The following G6PD variants were observed in gnomAD, a reference collection of about 807,000 sequenced individuals.
G6PD encodes glucose-6-phosphate dehydrogenase.
Under a neutral mutation model 38.2 loss-of-function variants are expected in G6PD, and 2 were observed. That is an observed-to-expected ratio of 0.05 (90% confidence interval 0.02 to 0.16). The LOEUF (loss-of-function observed/expected upper bound fraction) is 0.16, where lower values mean the gene tolerates loss of function less well. G6PD is among the 10% of genes least tolerant of loss of function. The probability of loss-of-function intolerance (pLI) is 1.00; values close to 1 mark genes in which losing one functional copy is unlikely to be tolerated. For missense variants in G6PD, 310 were observed against 471.6 expected, an observed-to-expected ratio of 0.66 and a Z score of 3.17; for synonymous variants, 188 against 196.0, an observed-to-expected ratio of 0.96 and a Z score of 0.34.
At position 154,546,140 on chromosome X, in the gene G6PD, C is replaced by G; in HGVS notation, c.16G>C (p.Ala6Pro). Residue 6 changes from alanine to proline, a missense_variant, in exon 2 of 13, where the codon GCC becomes CCC. Ala to Pro is a conservative substitution (Grantham distance 27). Transcript: ENST00000393562. MAEQV[A>P]LSRTQVCGIL... ...CCGCACACCTGGGTCCGGCTCAGGGCCACCTGCTCTGCCATGACGCTGTCT... is the reference window on the plus strand; with the variant it reads ...CCGCACACCTGGGTCCGGCTCAGGGGCACCTGCTCTGCCATGACGCTGTCT... The G allele has an allele frequency of 8.3e-7, 1 of 1,211,947 alleles. No individual in the cohort carries two copies. Among genetic ancestry groups the G allele is most frequent in the Non-Finnish European group, 1.1e-6 (1 of 895,564 alleles).
At chrX:154,534,782 G>C (rs1296544110) in intron 5 of G6PD, among the ~76,000 whole-genome samples, 9 of 111,877 alleles carry the variant, frequency 8.0e-5, no homozygotes, top group African/African-American at 2.9e-4. Context: ...CTGAAGGCCT[G>C]TAGGGGAGCA....
At chrX:154,536,437 C>T (rs1042636914) in intron 2 of G6PD, among the ~76,000 whole-genome samples, 6 of 112,231 alleles carry the variant, frequency 5.3e-5, no homozygotes, top group Middle Eastern at 4.6e-3. Flanking sequence ...AACCAAGGGA[C>T]GACAGAAGTA....
chrX:154,535,323 G>T lies in G6PD; in HGVS notation c.330C>A (p.Gly110=). 4.1e-6 allele frequency: 5 copies of T among 1,212,094 alleles called. No individual in the cohort carries two copies. The South Asian group carries it at 7.0e-5, about 17-fold the overall frequency. Residue 110 remains glycine, a synonymous_variant, in exon 5 of 13, where the codon GGC becomes GGA. Coordinates refer to ENST00000393562, the MANE Select transcript of G6PD (RefSeq NM_001360016.2). ...GGTAGGAGGCTGCATCATCGTACTG[G>T]CCAGCCACATAGGAGTTGCGGGCAA... ...DFFARNSYVA[G]QYDDAASYQR...
rs137852339 is a variant in G6PD, at chrX:154,533,044, C to T, written c.949G>A (p.Glu317Lys). 5.6e-4 allele frequency: 682 copies of T among 1,211,171 alleles called. 7 individuals carry two copies. In the South Asian group the frequency reaches 0.011, roughly 20 times the overall value. ...TCGTCCAGGTACCCTTTGGTGGCCT[C>T]GCCCTCTCCATCGGGGTTCCCCACG... The part of the protein sequence containing the change: ...QYVGNPDGEG[E>K]ATKGYLDDPT... The change falls in exon 9 of 13, where the codon GAG becomes AAG. Residue 317 changes from glutamate to lysine, a missense_variant. Glu to Lys is a moderately conservative substitution (Grantham distance 56). Around this residue, in one of 4 missense-constraint regions of G6PD, gnomAD observed 168 missense variants for 309.2 expected, o/e 0.54. Coordinates refer to ENST00000393562, the MANE Select transcript of G6PD (RefSeq NM_001360016.2).
In G6PD at chrX:154,532,079, G is replaced by A. The variant is rs782351135; in HGVS notation, c.1469C>T (p.Thr490Met). Residue 490 changes from threonine (T) to methionine (M), a missense_variant, in exon 13 of 13, where the codon ACG (threonine) becomes ATG (methionine). Thr to Met is a moderately conservative substitution (Grantham distance 81). Transcript: ENST00000393562. Reference protein sequence around the residue: ...IPYIYGSRGPTEADELMKRVG... With the variant: ...IPYIYGSRGPMEADELMKRVG... ...TCTCTTCATCAGCTCGTCTGCCTCC[G>A]TGGGGCCTCGGCTGGAGAGTGACGG... 3 of 1,209,249 alleles carry A rather than the reference G, an allele frequency of 2.5e-6. No homozygotes were observed. Among genetic ancestry groups the A allele is most frequent in the South Asian group, 1.8e-5 (1 of 56,476 alleles).
At chrX:154,532,856 T>C (rs919710811) in intron 9 of G6PD, 54 bp from the exon 10 acceptor site, 4 of 1,203,054 alleles carry the variant, frequency 3.3e-6, no homozygotes, top group Non-Finnish European at 4.5e-6. Context: ...TGTGGACCAG[T>C]GCGTGAGTGT....
chrX:154,533,723 T>C (rs1557230099), intron 7 of G6PD, 54 bp from the exon 8 acceptor site: 2 of 1,204,756 alleles, frequency 1.7e-6, no homozygotes, highest in East Asian at 6.0e-5. Flanking sequence ...GTTCACCTGG[T>C]TCAAGGGCAT....
chrX:154,544,202 G>A (rs782731332), intron 2 of G6PD, among the ~76,000 whole-genome samples: 1 of 103,763 alleles, frequency 9.6e-6, no homozygotes, highest in African/African-American at 3.6e-5. Flanking sequence ...TCGCTCTGTC[G>A]CCAGGCTGGA....
chrX:154,546,958 T>C, upstream of G6PD: 2 of 346,736 alleles, frequency 5.8e-6, no homozygotes, highest in South Asian at 1.3e-4. Flanking sequence ...CCACCACCCC[T>C]CGTGCGGGCG....
Position 154,532,475 on chromosome X carries a change from G to A in G6PD, c.1288-13C>T, listed in dbSNP as rs782025913. 5.0e-6 allele frequency: 6 copies of A among 1,209,336 alleles called. No individual in the cohort carries two copies. The highest frequency in any genetic ancestry group is 1.7e-5 in the African/African-American group (1 of 57,414). On this transcript the variant is annotated splice_polypyrimidine_tract_variant and intron_variant, in intron 10 of 12. Transcript: ENST00000393562. ...GGAGCTTCACGTTCTGTGAGGGAGA[G>A]AGTGTCTTGCTGATGCCACTGCCTG...
rs782339848 is a variant in G6PD, at chrX:154,533,380, G to A, written c.864+196C>T. 3 of 517,020 alleles carry A rather than the reference G, an allele frequency of 5.8e-6. No individual in the cohort carries two copies. The African/African-American group carries it at 7.1e-5, about 12-fold the overall frequency. The allele number at this position is 517,020 out of a possible 1,213,427, so 42.6% of individuals were successfully genotyped here. ...GGCCTTCCCTGGTCACATAGTGACT[G>A]TCAGGCCTGGGACATGACAACTTGG... On this transcript the variant is annotated intron_variant, in intron 8 of 12. Transcript: ENST00000393562.
chrX:154,540,934 T>C (rs1244292338), intron 2 of G6PD, among the ~76,000 whole-genome samples: 4 of 111,203 alleles, frequency 3.6e-5, no homozygotes, highest in Admixed American at 9.6e-5. Flanking sequence ...CCCTTCAAAG[T>C]CCAGCAGACA....
chrX:154,545,767 C>T (rs1444060900), intron 2 of G6PD: 4 of 305,938 alleles, frequency 1.3e-5, no homozygotes, highest in Admixed American at 1.1e-4. Context: ...CCCAGGAGGC[C>T]GAGGTTGCAG....
intron 4 of G6PD, 135 bp from the exon 5 acceptor site, chrX:154,535,520 G>T: frequency 1.7e-6 from 1 of 572,709 alleles, no homozygotes; most frequent in Non-Finnish European, 2.9e-6. Context: ...CAGTGTCCCC[G>T]TCCCACACTG....
intron 2 of G6PD, among the ~76,000 whole-genome samples, chrX:154,540,340 G>A (rs1036319614): frequency 1.8e-5 from 2 of 110,292 alleles, no homozygotes; most frequent in South Asian, 3.9e-4. Flanking sequence ...GTGGTGGTGC[G>A]CGCCTGTAGT....
At chrX:154,539,443 A>G (rs1004113189) in intron 2 of G6PD, among the ~76,000 whole-genome samples, 2 of 111,706 alleles carry the variant, frequency 1.8e-5, no homozygotes, top group South Asian at 3.8e-4. Context: ...TGGGGAGATG[A>G]CGATGGCCTT....
At chrX:154,542,287 G>A (rs1557232104) in intron 2 of G6PD, 2 of 1,163,114 alleles carry the variant, frequency 1.7e-6, no homozygotes, top group Admixed American at 2.6e-5. Flanking sequence ...TCCAGGTGGG[G>A]AAACTAAGGC....
Position 154,534,120 on chromosome X carries a change from T to C in G6PD, c.685A>G (p.Asn229Asp). 8.3e-7 allele frequency: 1 copy of C among 1,211,943 alleles called. No individual in the cohort carries two copies. Among genetic ancestry groups the C allele is most frequent in the Non-Finnish European group, 1.1e-6 (1 of 895,504 alleles). Residue 229 changes from asparagine (N) to aspartate (D), a missense_variant, in exon 7 of 13, where the codon AAC becomes GAC. Asn to Asp is a conservative substitution (Grantham distance 23). This residue lies in a region of G6PD where 168 missense variants were observed against 309.2 expected (regional missense o/e 0.54). Transcript: ENST00000393562. The part of the protein sequence containing the change: ...RIFGPIWNRD[N>D]IACVILTFKE... ...AAGGTGAGGATAACGCAGGCGATGT[T>C]GTCCCGGTTCCAGATGGGGCCGAAG...
At chrX:154,538,239 C>T (rs1407484611) in intron 2 of G6PD, among the ~76,000 whole-genome samples, 1 of 111,370 alleles carries the variant, frequency 9.0e-6, no homozygotes, top group Non-Finnish European at 1.9e-5. Context: ...AAGTGATCTG[C>T]CCGCCTCAGC....
Sources: gnomAD v4.1 joint callset for allele counts (sites outside exome capture counted in the v4.1 genomes callset) on GRCh38, gnomAD v4.1.1 for gene constraint, gnomAD v4.1.1 regional missense constraint, MANE v1.5 for transcripts, NCBI Gene and HGNC (gene_info 2026-07-23, HGNC 2026-07-21) for gene names.